The following CHSY3 variants were observed in gnomAD, a reference collection of about 807,000 sequenced individuals.
CHSY3 encodes the protein chondroitin sulfate synthase 3.
CHSY3 carries 35 observed loss-of-function variants against 67.2 expected under a neutral mutation model. That is an observed-to-expected ratio of 0.52 (90% CI 0.40 to 0.69). CHSY3 has a LOEUF of 0.69. Ranked by LOEUF, CHSY3 falls within the 30% of genes least tolerant of loss-of-function variation. The pLI is 0.00. For missense variants in CHSY3, 1,069 were observed against 1,138.5 expected (o/e 0.94, Z 0.88); for synonymous variants, 474 against 434.7 (o/e 1.09, Z -1.12).
intron 2 of CHSY3, among the ~76,000 whole-genome samples, chr5:129,939,674 T>A (rs1396798727): frequency 6.6e-6 from 1 of 152,234 alleles, no homozygotes; most frequent in African/African-American, 2.4e-5. Context: ...GAACTTTATT[T>A]CAGTGAGTCT....
At chr5:130,097,745 T>C (rs1157176352) in intron 2 of CHSY3, among the ~76,000 whole-genome samples, 2 of 152,234 alleles carry the variant, frequency 1.3e-5, no homozygotes, top group Non-Finnish European at 2.9e-5. Context: ...GGCTCACGCC[T>C]GTAATCCCAG....
At chr5:130,084,824 T>G (rs749705622) in intron 2 of CHSY3, among the ~76,000 whole-genome samples, 3 of 151,898 alleles carry the variant, frequency 2.0e-5, no homozygotes, top group Non-Finnish European at 4.4e-5. Context: ...AGACTTTATC[T>G]AAAGACCTGG....
At chr5:129,937,651 T>C (rs1473112018) in intron 2 of CHSY3, among the ~76,000 whole-genome samples, 1 of 149,872 alleles carries the variant, frequency 6.7e-6, no homozygotes, top group Non-Finnish European at 1.5e-5. Flanking sequence ...AAAAAAAAAA[T>C]AGTCACTTCT....
At chr5:129,997,520 T>G (rs898356734) in intron 2 of CHSY3, among the ~76,000 whole-genome samples, 4 of 152,154 alleles carry the variant, frequency 2.6e-5, no homozygotes, top group Non-Finnish European at 5.9e-5. Context: ...ACTCTTTTTT[T>G]TTAATACTTT....
chr5:130,143,780 A>G (rs868565348), intron 2 of CHSY3, among the ~76,000 whole-genome samples: 37 of 60,396 alleles, frequency 6.1e-4, no homozygotes, highest in African/African-American at 1.4e-3. Flanking sequence ...ATATATATAT[A>G]TGTGTATATA....
intron 2 of CHSY3, among the ~76,000 whole-genome samples, chr5:130,080,222 C>T (rs1561527248): frequency 6.6e-6 from 1 of 151,986 alleles, no homozygotes. Context: ...GGAAGTAGGT[C>T]AGACCTCCAA....
chr5:129,905,461 C>T lies in CHSY3; in HGVS notation c.632C>T (p.Pro211Leu). The T allele has an allele frequency of 1.2e-6, 2 of 1,612,672 alleles. No homozygotes were observed. Among genetic ancestry groups the T allele is most frequent in the Non-Finnish European group, 1.7e-6 (2 of 1,179,988 alleles). ...GTGGAGTTCTTTTCCAGCCAGCAGCCCCCCAACGCCGGCCAGCCCCCGCCA... is the reference window on the plus strand; with the variant it reads ...GTGGAGTTCTTTTCCAGCCAGCAGCTCCCCAACGCCGGCCAGCCCCCGCCA... ...GRVEFFSSQQ[P>L]PNAGQPPPPL... Residue 211 changes from proline to leucine, a missense_variant, in exon 1 of 3, where the codon CCC becomes CTC. Physicochemically the swap from Pro to Leu is moderately conservative, Grantham distance 98. This residue lies in a region of CHSY3 where 216 missense variants were observed against 311.5 expected (regional missense o/e 0.69). Transcript: ENST00000305031.
At chr5:130,183,016 C>G (rs1770296424) in intron 2 of CHSY3, among the ~76,000 whole-genome samples, 1 of 150,934 alleles carries the variant, frequency 6.6e-6, no homozygotes, top group Non-Finnish European at 1.5e-5. Context: ...GATGAGTATT[C>G]TTAAGTTTGC....
At chr5:129,933,908 A>G (rs1401413231) in intron 2 of CHSY3, among the ~76,000 whole-genome samples, 1 of 152,146 alleles carries the variant, frequency 6.6e-6, no homozygotes, top group Non-Finnish European at 1.5e-5. Flanking sequence ...ACCAGCTGTT[A>G]ACACTTTTTC....
In CHSY3 at chr5:130,038,610, C is replaced by A. The variant is rs534822132; in HGVS notation, c.1086+130250C>A. Among the ~76,000 whole-genome samples, 4 of 152,192 alleles carry A rather than the reference C, an allele frequency of 2.6e-5. No homozygotes were observed. In the South Asian group the frequency reaches 8.3e-4, roughly 32 times the overall value. On this transcript the variant is annotated intron_variant, in intron 2 of 2. Coordinates refer to ENST00000305031, the MANE Select transcript of CHSY3 (RefSeq NM_175856.5). ...TAAAGATGCTATGAGGTAGGAAATT[C>A]TTTTGAAGGGAATTTCCACTTTCCT...
intron 2 of CHSY3, among the ~76,000 whole-genome samples, chr5:130,039,697 C>CA (rs754571738): frequency 2.6e-5 from 4 of 152,018 alleles, no homozygotes; most frequent in Non-Finnish European, 1.5e-5. Context: ...AGGCTGGTCT[C>CA]AAACTCCTAG....
chr5:130,050,434 A>C (rs576644556), intron 2 of CHSY3, among the ~76,000 whole-genome samples: 1 of 152,222 alleles, frequency 6.6e-6, no homozygotes, highest in South Asian at 2.1e-4. Context: ...AAAGAATACA[A>C]ATTTATGGTT....
intron 2 of CHSY3, among the ~76,000 whole-genome samples, chr5:130,034,679 T>C (rs1229089252): frequency 6.6e-6 from 1 of 152,058 alleles, no homozygotes; most frequent in Non-Finnish European, 1.5e-5. Flanking sequence ...ACATACCTCA[T>C]GGTGATATGT....
chr5:130,102,997 A>G (rs1247232534), intron 2 of CHSY3, among the ~76,000 whole-genome samples: 1 of 152,070 alleles, frequency 6.6e-6, no homozygotes, highest in East Asian at 1.9e-4. Flanking sequence ...CCTAACAACA[A>G]AATAAAATGA....
intron 2 of CHSY3, among the ~76,000 whole-genome samples, chr5:130,109,804 G>T (rs1232773117): frequency 6.6e-6 from 1 of 151,606 alleles, no homozygotes; most frequent in Non-Finnish European, 1.5e-5. Flanking sequence ...GCCCAGAGCT[G>T]GATATTGTCC....
intron 2 of CHSY3, among the ~76,000 whole-genome samples, chr5:129,994,089 T>A (rs1763455239): frequency 6.6e-6 from 1 of 152,202 alleles, no homozygotes; most frequent in Non-Finnish European, 1.5e-5. Context: ...CAGCTGTTAG[T>A]GTGATGGACT....
intron 2 of CHSY3, among the ~76,000 whole-genome samples, chr5:130,019,439 C>G (rs999659240): frequency 3.9e-5 from 6 of 152,162 alleles, no homozygotes; most frequent in Non-Finnish European, 5.9e-5. Flanking sequence ...ACCACCACCA[C>G]CAATTATTTA....
intron 2 of CHSY3, among the ~76,000 whole-genome samples, chr5:130,178,055 G>A (rs1448204204): frequency 6.7e-6 from 1 of 149,170 alleles, no homozygotes; most frequent in African/African-American, 2.5e-5. Context: ...TTATATTTTG[G>A]TTTTTCTACA....
chr5:129,921,153 T>C (rs1339731233), intron 2 of CHSY3, among the ~76,000 whole-genome samples: 1 of 152,146 alleles, frequency 6.6e-6, no homozygotes, highest in Admixed American at 6.5e-5. Context: ...CTTTCACCTT[T>C]TCACTCCTAG....
Sources: gnomAD v4.1 joint callset for allele counts (sites outside exome capture counted in the v4.1 genomes callset) on GRCh38, gnomAD v4.1.1 for gene constraint, gnomAD v4.1.1 regional missense constraint, MANE v1.5 for transcripts, NCBI Gene and HGNC (gene_info 2026-07-23, HGNC 2026-07-21) for gene names.